Variants in RABGAP1 observed in about 807,000 individuals in gnomAD.
The protein encoded by RABGAP1 is rab GTPase-activating protein 1.
A neutral mutation model predicts 137.6 loss-of-function variants in RABGAP1; 23 were observed. The observed-to-expected ratio is 0.17, with a 90% CI of 0.12 to 0.24. The LOEUF (loss-of-function observed/expected upper bound fraction) is 0.24. Among genes scored for constraint, RABGAP1 ranks in the 10% least tolerant of loss-of-function variants. The pLI, the probability that RABGAP1 is intolerant of heterozygous loss-of-function variation, is 1.00. For synonymous variants in RABGAP1, 451 were observed against 450.7 expected (o/e 1.00, Z -0.01); for missense variants, 906 against 1,275.8 (o/e 0.71, Z 4.42).
intron 13 of RABGAP1, among the ~76,000 whole-genome samples, chr9:123,032,509 T>C (rs2032359379): frequency 6.6e-6 from 1 of 152,208 alleles, no homozygotes; most frequent in Non-Finnish European, 1.5e-5. Context: ...TGCTGCTGCT[T>C]CAGATTTAAA....
At chr9:123,014,775 C>T (rs185760208) in intron 11 of RABGAP1, among the ~76,000 whole-genome samples, 270 of 150,510 alleles carry the variant, frequency 1.8e-3, no homozygotes, top group African/African-American at 6.3e-3. Context: ...AATTAATTCA[C>T]AGTTCTGCAG....
At chr9:123,056,754 C>T (rs1440828371) in intron 13 of RABGAP1, among the ~76,000 whole-genome samples, 1 of 152,086 alleles carries the variant, frequency 6.6e-6, no homozygotes, top group Non-Finnish European at 1.5e-5. Flanking sequence ...CCATTTAACC[C>T]TGAGTGGACA....
chr9:123,079,239 G>GTTTT (rs56098560), intron 19 of RABGAP1, among the ~76,000 whole-genome samples: 1 of 106,672 alleles, frequency 9.4e-6, no homozygotes, highest in African/African-American at 2.9e-5. Flanking sequence ...GTTTTGTTTT[G>GTTTT]TTTTTTTTTT....
chr9:122,968,942 A>G (rs560639634), intron 2 of RABGAP1, among the ~76,000 whole-genome samples: 118 of 152,168 alleles, frequency 7.8e-4, no homozygotes, highest in Middle Eastern at 3.4e-3. Flanking sequence ...CAATTAAACC[A>G]TTTTTACTGT....
chr9:123,046,902 C>T (rs1488465779), intron 13 of RABGAP1, among the ~76,000 whole-genome samples: 1 of 152,170 alleles, frequency 6.6e-6, no homozygotes, highest in Non-Finnish European at 1.5e-5. Context: ...CCTTAGCAGA[C>T]ATAATCTGGA....
chr9:123,056,792 G>A (rs2033720248), intron 13 of RABGAP1, among the ~76,000 whole-genome samples: 2 of 152,150 alleles, frequency 1.3e-5, no homozygotes, highest in South Asian at 4.1e-4. Flanking sequence ...CACAGGGTTG[G>A]GGGTAAGGTC....
intron 10 of RABGAP1, among the ~76,000 whole-genome samples, chr9:123,006,557 T>C (rs1276390992): frequency 6.6e-6 from 1 of 152,188 alleles, no homozygotes; most frequent in Non-Finnish European, 1.5e-5. Context: ...ATTCTGTTCC[T>C]CTGGTCTTGC....
chr9:123,010,211 C>G, intron 10 of RABGAP1, 143 bp from the exon 11 acceptor site: 1 of 690,998 alleles, frequency 1.4e-6, no homozygotes, highest in Non-Finnish European at 2.2e-6. Flanking sequence ...AAAAAAACAT[C>G]ATTTATTTTC....
intron 9 of RABGAP1, among the ~76,000 whole-genome samples, chr9:122,997,688 A>G (rs866644603): frequency 3.9e-5 from 6 of 152,156 alleles, no homozygotes; most frequent in South Asian, 2.1e-4. Context: ...CAAAGGATTT[A>G]TAGGGGGAAG....
Position 123,103,312 on chromosome 9 carries a change from T to G in RABGAP1, c.*99T>G. The G allele has an allele frequency of 6.5e-7, 1 of 1,540,768 alleles. No homozygotes were observed. Among genetic ancestry groups the G allele is most frequent in the Non-Finnish European group, 8.8e-7 (1 of 1,138,746 alleles). ...TCTGTGACTTGTCCCAGGACCAGAA[T>G]GTACCTAAGTCAGATCCATAGACGC... On this transcript the variant is annotated 3_prime_UTR_variant, in exon 26 of 26. Coordinates refer to ENST00000373647, the MANE Select transcript of RABGAP1 (RefSeq NM_012197.4).
At chr9:123,001,612 G>A (rs1436498001) in intron 10 of RABGAP1, among the ~76,000 whole-genome samples, 6 of 152,116 alleles carry the variant, frequency 3.9e-5, no homozygotes, top group Non-Finnish European at 5.9e-5. Flanking sequence ...AGAGATTAGG[G>A]GTCGTCATCT....
chr9:122,940,012 TA>T (rs577619382), upstream of RABGAP1: 153 of 152,252 alleles, frequency 1.0e-3, no homozygotes, highest in African/African-American at 3.5e-3. Context: ...TATCAAGTCT[TA>T]TGAGCCAGGT....
chr9:123,097,867 CCT>C, intron 22 of RABGAP1, 22 bp downstream of exon 22: 3 of 1,594,046 alleles, frequency 1.9e-6, no homozygotes, highest in Middle Eastern at 3.3e-4. Flanking sequence ...CTCCCACATT[CCT>C]CTGTCTTGCA....
intron 13 of RABGAP1, among the ~76,000 whole-genome samples, chr9:123,026,956 A>G (rs1169769138): frequency 6.6e-6 from 1 of 152,086 alleles, no homozygotes; most frequent in Non-Finnish European, 1.5e-5. Flanking sequence ...CTTTCCTTCC[A>G]TCCACTTGGC....
chr9:123,042,982 T>G (rs564160927), intron 13 of RABGAP1, among the ~76,000 whole-genome samples: 1 of 152,192 alleles, frequency 6.6e-6, no homozygotes, highest in East Asian at 1.9e-4. Flanking sequence ...AGCAGAGGAC[T>G]TTTTGCCACA....
At chr9:122,967,739 G>A (rs1398178221) in intron 2 of RABGAP1, among the ~76,000 whole-genome samples, 1 of 149,598 alleles carries the variant, frequency 6.7e-6, no homozygotes, top group Non-Finnish European at 1.5e-5. Flanking sequence ...TTTTTTTCCT[G>A]AAAAAAATTT....
chr9:122,934,295 G>A, the RABGAP1 span, among the ~76,000 whole-genome samples: 1 of 151,564 alleles, frequency 6.6e-6, no homozygotes, highest in Non-Finnish European at 1.5e-5. Context: ...AGCTAGGATG[G>A]TCTCGATCTC....
chr9:122,994,591 A>G (rs1422128709), intron 6 of RABGAP1, among the ~76,000 whole-genome samples: 1 of 152,236 alleles, frequency 6.6e-6, no homozygotes, highest in Non-Finnish European at 1.5e-5. Context: ...AAGGGCTTCA[A>G]ATTAGTATTT....
intron 21 of RABGAP1, among the ~76,000 whole-genome samples, chr9:123,091,772 C>T (rs949052614): frequency 6.6e-6 from 1 of 152,092 alleles, no homozygotes; most frequent in African/African-American, 2.4e-5. Flanking sequence ...CCCTCAATGA[C>T]CAGAACCTGA....
Sources: allele counts gnomAD v4.1 joint callset (sites outside exome capture counted in the v4.1 genomes callset), GRCh38; gene constraint gnomAD v4.1.1; transcripts MANE v1.5; gene names NCBI Gene and HGNC (gene_info 2026-07-23, HGNC 2026-07-21).